Variants in PBLD observed in about 807,000 individuals in gnomAD.
PBLD encodes the protein phenazine biosynthesis-like domain-containing protein.
Under a neutral mutation model 31.3 loss-of-function variants are expected in PBLD, and 26 were observed. That is an observed-to-expected ratio of 0.83 (90% CI 0.61 to 1.15). PBLD has a LOEUF of 1.15. PBLD is among the 50% of genes most tolerant of loss of function. The probability of loss-of-function intolerance (pLI) is 0.00; values close to 1 mark genes in which losing one functional copy is unlikely to be tolerated. For missense variants in PBLD, 307 were observed against 351.7 expected (o/e 0.87, Z 1.02); for synonymous variants, 114 against 129.0 (o/e 0.88, Z 0.79).
intron 8 of PBLD, among the ~76,000 whole-genome samples, chr10:68,286,871 G>GTGTGGTGGCTCCA (rs1237333380): frequency 1.1e-4 from 3 of 26,146 alleles, no homozygotes; most frequent in South Asian, 9.7e-4. Flanking sequence ...TATGGGGTGG[G>GTGTGGTGGCTCCA]CGTCCCAGCA....
chr10:68,314,082 T>C (rs2044704263), intron 1 of PBLD, among the ~76,000 whole-genome samples: 1 of 152,100 alleles, frequency 6.6e-6, no homozygotes, highest in South Asian at 2.1e-4. Flanking sequence ...GTTCAAGTGA[T>C]TCTCCTGCCT....
chr10:68,310,300 TTGTTTA>T (rs1477709091), intron 1 of PBLD, among the ~76,000 whole-genome samples: 3 of 147,628 alleles, frequency 2.0e-5, no homozygotes, highest in African/African-American at 5.0e-5. Context: ...TCTTTTTACT[TTGTTTA>T]TGTTTCTTTT....
At chr10:68,297,844 C>A (rs536216131) in intron 2 of PBLD, among the ~76,000 whole-genome samples, 1 of 151,642 alleles carries the variant, frequency 6.6e-6, no homozygotes, top group African/African-American at 2.4e-5. Flanking sequence ...TGGTGGCTCA[C>A]GCCTGTAATC....
chr10:68,306,126 TTAAC>T (rs1209677685), intron 2 of PBLD, among the ~76,000 whole-genome samples: 3 of 139,370 alleles, frequency 2.2e-5, no homozygotes, highest in Non-Finnish European at 4.6e-5. Context: ...ATTTAAATAT[TTAAC>T]TATTCTATTA....
At chr10:68,314,934 C>T (rs1006894766) in intron 1 of PBLD, among the ~76,000 whole-genome samples, 37 of 152,220 alleles carry the variant, frequency 2.4e-4, no homozygotes, top group African/African-American at 8.2e-4. Flanking sequence ...GGATTACAGG[C>T]ACCCACCACC....
chr10:68,332,108 G>C (rs1564745042), intron 1 of PBLD: 1 of 152,340 alleles, frequency 6.6e-6, no homozygotes, highest in Non-Finnish European at 1.5e-5. Context: ...CACCGCTGGA[G>C]ACGGTTGGGA....
chr10:68,306,570 C>T (rs1197176875), intron 2 of PBLD, among the ~76,000 whole-genome samples, 191 bp downstream of exon 2: 1 of 152,138 alleles, frequency 6.6e-6, no homozygotes, highest in Non-Finnish European at 1.5e-5. Context: ...ATTGGACGTA[C>T]CCAAGGCATA....
chr10:68,321,823 C>G (rs902587663), intron 1 of PBLD, among the ~76,000 whole-genome samples: 2 of 152,088 alleles, frequency 1.3e-5, no homozygotes, highest in African/African-American at 4.8e-5. Context: ...GATTATAACC[C>G]AAAGATAAAA....
chr10:68,319,118 G>GAA (rs1297459599), intron 1 of PBLD, among the ~76,000 whole-genome samples: 5 of 138,240 alleles, frequency 3.6e-5, no homozygotes, highest in Non-Finnish European at 4.8e-5. Context: ...AAAGGAAAAA[G>GAA]AAAGAAAGAG....
chr10:68,309,360 T>C (rs1361209347), intron 1 of PBLD, among the ~76,000 whole-genome samples: 1 of 141,278 alleles, frequency 7.1e-6, no homozygotes, highest in Non-Finnish European at 1.5e-5. Context: ...TGAGCCGAGA[T>C]TGTGCCACTA....
chr10:68,320,911 T>C (rs1020757700), intron 1 of PBLD, among the ~76,000 whole-genome samples: 6 of 151,460 alleles, frequency 4.0e-5, no homozygotes, highest in African/African-American at 1.5e-4. Flanking sequence ...AACCTCTGCC[T>C]CCCATGTTTG....
At chr10:68,304,933 C>T (rs2044556182) in intron 2 of PBLD, among the ~76,000 whole-genome samples, 1 of 152,150 alleles carries the variant, frequency 6.6e-6, no homozygotes, top group Non-Finnish European at 1.5e-5. Context: ...AGTTTATTAC[C>T]TTCTGCATTT....
chr10:68,319,328 T>A lies in PBLD; in HGVS notation c.-59-12425A>T, dbSNP rs572104741. Among the ~76,000 whole-genome samples the A allele has an allele frequency of 3.3e-5, 5 of 152,302 alleles. No individual in the cohort carries two copies. In the South Asian group the frequency reaches 1.0e-3, roughly 32 times the overall value. On this transcript the variant is annotated intron_variant, in intron 1 of 9. Coordinates refer to ENST00000358769, the MANE Select transcript of PBLD (RefSeq NM_022129.4). ...TCATGAACTCTACCTTATCAGTAATTACATTTAAGTGCTTAAACTCTCCAA... is the reference window on the plus strand; with the variant it reads ...TCATGAACTCTACCTTATCAGTAATAACATTTAAGTGCTTAAACTCTCCAA...
intron 7 of PBLD, 32 bp from the exon 8 acceptor site, chr10:68,288,693 C>T (rs1247789155): frequency 1.2e-6 from 2 of 1,603,288 alleles, no homozygotes; most frequent in Non-Finnish European, 8.5e-7. Context: ...TTAGGACAAA[C>T]CCATTTCACA....
At chr10:68,294,314 C>G (rs1006369479) in intron 4 of PBLD, among the ~76,000 whole-genome samples, 1 of 152,142 alleles carries the variant, frequency 6.6e-6, no homozygotes, top group South Asian at 2.1e-4. Context: ...GATCCATATT[C>G]TATGTCTGAC....
At chr10:68,305,481 G>A (rs114857968) in intron 2 of PBLD, among the ~76,000 whole-genome samples, 2,211 of 151,612 alleles carry the variant, frequency 0.015, 59 homozygotes, top group African/African-American at 0.051. Flanking sequence ...CTGGCCGGGC[G>A]CGGTGCTCAC....
At chr10:68,329,774 A>G (rs1205716944) in intron 1 of PBLD, among the ~76,000 whole-genome samples, 1 of 152,188 alleles carries the variant, frequency 6.6e-6, no homozygotes, top group Non-Finnish European at 1.5e-5. Flanking sequence ...ATTAGGCAAC[A>G]TAACCTCAAT....
chr10:68,306,953 C>T (rs371917148), intron 1 of PBLD, 50 bp from the exon 2 acceptor site: 29 of 757,942 alleles, frequency 3.8e-5, no homozygotes, highest in African/African-American at 1.2e-4. Flanking sequence ...GGTGTCCAGA[C>T]GCAAAGAACA....
intron 6 of PBLD, 39 bp from the exon 7 acceptor site, chr10:68,289,058 T>C: frequency 1.3e-6 from 2 of 1,502,748 alleles, no homozygotes; most frequent in Non-Finnish European, 1.8e-6. Context: ...GGACATGCCC[T>C]GGGCCAAGTC....
Sources: allele counts gnomAD v4.1 joint callset (sites outside exome capture counted in the v4.1 genomes callset), GRCh38; gene constraint gnomAD v4.1.1; transcripts MANE v1.5; gene names NCBI Gene and HGNC (gene_info 2026-07-23, HGNC 2026-07-21).